Variants in TMEM135 observed in about 807,000 individuals in gnomAD.
The protein encoded by TMEM135 is peroxisomal membrane protein 52.
In TMEM135, 30 loss-of-function variants were observed where a neutral mutation model predicts 60.3. That is an observed-to-expected ratio of 0.50 (90% confidence interval 0.37 to 0.68). TMEM135 has a LOEUF of 0.68. Ranked by LOEUF, TMEM135 falls within the 30% of genes least tolerant of loss-of-function variation. The pLI is 0.00. For missense variants in TMEM135, 468 were observed against 548.8 expected, an observed-to-expected ratio of 0.85 and a Z score of 1.47; for synonymous variants, 190 against 186.7, an observed-to-expected ratio of 1.02 and a Z score of -0.14.
chr11:87,067,419 A>G (rs1856687640), intron 1 of TMEM135, among the ~76,000 whole-genome samples: 1 of 151,840 alleles, frequency 6.6e-6, no homozygotes, highest in African/African-American at 2.4e-5. Flanking sequence ...TCAGTTTAAA[A>G]TTGTTTTAAG....
At chr11:87,134,402 TA>T (rs1728976298) in intron 4 of TMEM135, among the ~76,000 whole-genome samples, 10 of 152,200 alleles carry the variant, frequency 6.6e-5, no homozygotes, top group African/African-American at 2.4e-4. Flanking sequence ...GTAACATATA[TA>T]TTTTTTGGTG....
At chr11:87,144,591 G>T (rs1938355310) in intron 4 of TMEM135, among the ~76,000 whole-genome samples, 1 of 152,116 alleles carries the variant, frequency 6.6e-6, no homozygotes, top group Non-Finnish European at 1.5e-5. Flanking sequence ...ATTACTCCAA[G>T]TGTCAATTTT....
intron 5 of TMEM135, among the ~76,000 whole-genome samples, chr11:87,160,326 T>C (rs561277836): frequency 1.8e-4 from 28 of 152,316 alleles, no homozygotes; most frequent in Non-Finnish European, 3.4e-4. Flanking sequence ...TTGAAACTTA[T>C]TTTATAGGTT....
At chr11:87,213,042 G>A (rs1282190793) in intron 5 of TMEM135, among the ~76,000 whole-genome samples, 1 of 152,058 alleles carries the variant, frequency 6.6e-6, no homozygotes, top group Non-Finnish European at 1.5e-5. Flanking sequence ...TAAATCTTGT[G>A]ATTATAATCT....
chr11:87,318,314 C>G, intron 13 of TMEM135, 79 bp downstream of exon 13: 1 of 1,031,718 alleles, frequency 9.7e-7, no homozygotes, highest in South Asian at 1.3e-5. Flanking sequence ...GAGAAACAAA[C>G]TCTGGGAACA....
At chr11:87,072,029 A>T (rs1179245189) in intron 3 of TMEM135, among the ~76,000 whole-genome samples, 2 of 152,058 alleles carry the variant, frequency 1.3e-5, no homozygotes, top group Non-Finnish European at 2.9e-5. Flanking sequence ...TCTACGAAAA[A>T]AAATACAAAG....
chr11:87,295,737 T>C, intron 6 of TMEM135, 45 bp from the exon 7 acceptor site: 11 of 1,524,906 alleles, frequency 7.2e-6, no homozygotes, highest in Non-Finnish European at 9.9e-6. Context: ...GGTACTTGTA[T>C]CTCAAAATAT....
At chr11:87,267,013 A>T (rs1276863866) in intron 6 of TMEM135, among the ~76,000 whole-genome samples, 1 of 152,164 alleles carries the variant, frequency 6.6e-6, no homozygotes, top group African/African-American at 2.4e-5. Context: ...AAAGGAGCTT[A>T]AGGTGGTAGA....
At chr11:87,191,623 G>T (rs1436095319) in intron 5 of TMEM135, among the ~76,000 whole-genome samples, 1 of 152,114 alleles carries the variant, frequency 6.6e-6, no homozygotes, top group African/African-American at 2.4e-5. Flanking sequence ...AAGAAGTGAA[G>T]AATTTGTGGG....
At chr11:87,316,106 C>A (rs1214312001) in intron 12 of TMEM135, among the ~76,000 whole-genome samples, 1 of 151,960 alleles carries the variant, frequency 6.6e-6, no homozygotes, top group Non-Finnish European at 1.5e-5. Flanking sequence ...TGCTCCCAGG[C>A]TAGTTACTGA....
intron 4 of TMEM135, among the ~76,000 whole-genome samples, chr11:87,123,341 G>A (rs2135219684): frequency 6.6e-6 from 1 of 152,280 alleles, no homozygotes; most frequent in East Asian, 1.9e-4. Flanking sequence ...AATCCTTGGT[G>A]TTCCTTGGTT....
intron 5 of TMEM135, among the ~76,000 whole-genome samples, chr11:87,158,189 G>C (rs1446717688): frequency 6.6e-6 from 1 of 152,138 alleles, no homozygotes; most frequent in African/African-American, 2.4e-5. Context: ...ACCTCACAGA[G>C]TGCCGGCATT....
chr11:87,127,492 C>T (rs1002229778), intron 4 of TMEM135, among the ~76,000 whole-genome samples: 10 of 152,120 alleles, frequency 6.6e-5, no homozygotes, highest in African/African-American at 2.4e-4. Context: ...TTCTCCCATT[C>T]TAAGTTATGT....
intron 4 of TMEM135, among the ~76,000 whole-genome samples, chr11:87,149,030 C>G (rs1485201898): frequency 4.8e-5 from 7 of 145,566 alleles, no homozygotes; most frequent in Admixed American, 4.8e-4. Flanking sequence ...CCCCCCATAC[C>G]TTTGTGTGTG....
intron 6 of TMEM135, among the ~76,000 whole-genome samples, chr11:87,270,133 T>G (rs1405689033): frequency 1.3e-5 from 2 of 148,544 alleles, no homozygotes; most frequent in Non-Finnish European, 3.0e-5. Context: ...TTTGGCTGCA[T>G]AAATGTCTTC....
chr11:87,225,674 GAAGCTCAGTAGT>G (rs1280509573), intron 5 of TMEM135, among the ~76,000 whole-genome samples: 1 of 152,000 alleles, frequency 6.6e-6, no homozygotes, highest in Non-Finnish European at 1.5e-5. Context: ...TCCTACTTTG[GAAGCTCAGTAGT>G]CACTAAACCA....
intron 5 of TMEM135, among the ~76,000 whole-genome samples, chr11:87,170,622 G>A (rs574431677): frequency 1.3e-5 from 2 of 152,278 alleles, no homozygotes; most frequent in African/African-American, 4.8e-5. Context: ...AGCTGAGGCT[G>A]CAGAACAGCA....
chr11:87,246,382 A>T (rs947223963), intron 6 of TMEM135, among the ~76,000 whole-genome samples: 3 of 151,330 alleles, frequency 2.0e-5, no homozygotes, highest in Non-Finnish European at 2.9e-5. Flanking sequence ...GTATTTCCTG[A>T]ATCTGAATGT....
chr11:87,237,100 G>A (rs1395786264), intron 6 of TMEM135, among the ~76,000 whole-genome samples: 5 of 151,922 alleles, frequency 3.3e-5, no homozygotes, highest in African/African-American at 4.8e-5. Context: ...CCTTCTGCAA[G>A]GATAACCTAG....
Sources: allele counts gnomAD v4.1 joint callset (sites outside exome capture counted in the v4.1 genomes callset), GRCh38; gene constraint gnomAD v4.1.1; transcripts MANE v1.5; gene names NCBI Gene and HGNC (gene_info 2026-07-23, HGNC 2026-07-21).